PIBF1: variants seen among roughly 807,000 people sequenced by gnomAD.
PIBF1 encodes the protein progesterone-induced-blocking factor 1.
Under a neutral mutation model 112.5 loss-of-function variants are expected in PIBF1, and 90 were observed. The ratio of observed to expected loss-of-function variants is 0.80; its 90% CI spans 0.67 to 0.95. The LOEUF (loss-of-function observed/expected upper bound fraction) is 0.95. Ranked by LOEUF, PIBF1 falls within the 40% of genes least tolerant of loss-of-function variation. The pLI, the probability that PIBF1 is intolerant of heterozygous loss-of-function variation, is 0.00. For missense variants in PIBF1, 915 were observed against 852.3 expected (o/e 1.07, Z -0.92); for synonymous variants, 301 against 288.6 (o/e 1.04, Z -0.44).
In PIBF1 at chr13:72,821,895, G is replaced by T. The variant is rs1321440733; in HGVS notation, c.719G>T (p.Cys240Phe). 2 of 1,612,772 alleles carry T rather than the reference G, an allele frequency of 1.2e-6. No homozygotes were observed. The highest frequency in any genetic ancestry group is 1.1e-5 in the South Asian group (1 of 90,994). Reference protein sequence around the residue: ...RKNYSEVQIRCQRLALELADT... With the variant: ...RKNYSEVQIRFQRLALELADT... ...AACTACTCTGAAGTTCAAATTAGAT[G>T]TCAACGTTTGGCCTTAGAATTAGCA... Residue 240 changes from cysteine (C) to phenylalanine (F), a missense_variant, in exon 6 of 18, where the codon TGT (cysteine) becomes TTT (phenylalanine). Cys to Phe is a radical substitution (Grantham distance 205, BLOSUM62 -2). Transcript: ENST00000326291.
intron 16 of PIBF1, among the ~76,000 whole-genome samples, chr13:72,979,050 C>T (rs1376899166): frequency 6.6e-6 from 1 of 152,086 alleles, no homozygotes; most frequent in African/African-American, 2.4e-5. Flanking sequence ...CAAAATTTAG[C>T]TGGGCATGGT....
chr13:72,995,031 G>A (rs1216233944), intron 16 of PIBF1, among the ~76,000 whole-genome samples: 1 of 152,140 alleles, frequency 6.6e-6, no homozygotes, highest in Non-Finnish European at 1.5e-5. Context: ...GACAGGTGCG[G>A]TGGCTCACAC....
chr13:72,831,479 G>A (rs1325229343), intron 8 of PIBF1, among the ~76,000 whole-genome samples: 2 of 151,950 alleles, frequency 1.3e-5, no homozygotes, highest in Non-Finnish European at 2.9e-5. Context: ...CATTCTCATT[G>A]GTTTCAAAGA....
intron 5 of PIBF1, among the ~76,000 whole-genome samples, chr13:72,799,645 C>T (rs1391859267): frequency 6.6e-6 from 1 of 152,166 alleles, no homozygotes. Context: ...AATTTTGCAG[C>T]CTTGGGCAAA....
At chr13:72,902,388 T>C (rs1024257130) in intron 11 of PIBF1, among the ~76,000 whole-genome samples, 18 of 141,460 alleles carry the variant, frequency 1.3e-4, no homozygotes, top group African/African-American at 4.6e-4. Flanking sequence ...TACGGAAAAA[T>C]AATTAATAAA....
At chr13:72,873,158 A>C (rs1159908199) in intron 10 of PIBF1, among the ~76,000 whole-genome samples, 1 of 152,172 alleles carries the variant, frequency 6.6e-6, no homozygotes, top group Non-Finnish European at 1.5e-5. Flanking sequence ...AGGGAGATGA[A>C]GGTGCCTAGA....
chr13:72,783,560 A>G lies in PIBF1; in HGVS notation c.91A>G (p.Thr31Ala), dbSNP rs1457329998. The G allele has an allele frequency of 6.2e-7, 1 of 1,613,920 alleles. No homozygotes were observed. The highest frequency in any genetic ancestry group is 1.7e-5 in the Admixed American group (1 of 60,034). Reference sequence around the variant, plus strand: ...TATTAGTTTAGAAACAACAGTTCCTACGGATGATATTTCCTCATCAGAAGA... The same window carrying G: ...TATTAGTTTAGAAACAACAGTTCCTGCGGATGATATTTCCTCATCAGAAGA... ...EDISLETTVP[T>A]DDISSSEERE... is the part of the protein sequence containing the mutation. The change falls in exon 2 of 18, where the codon ACG (threonine) becomes GCG (alanine). Residue 31 changes from threonine to alanine, a missense_variant. Transcript: ENST00000326291.
intron 9 of PIBF1, among the ~76,000 whole-genome samples, chr13:72,841,696 G>A (rs2138242459): frequency 6.6e-6 from 1 of 152,166 alleles, no homozygotes; most frequent in African/African-American, 2.4e-5. Context: ...CCTGAGCCTG[G>A]GAGGTCAAGG....
At chr13:72,790,535 ATAGATAGATAGATAG>A (rs2138376402) in intron 2 of PIBF1, among the ~76,000 whole-genome samples, 1 of 150,236 alleles carries the variant, frequency 6.7e-6, no homozygotes, top group Non-Finnish European at 1.5e-5. Context: ...AGATAGATAG[ATAGATAGATAGATAG>A]ATAGATAGAT....
At chr13:72,913,601 G>T (rs1195871721) in intron 12 of PIBF1, among the ~76,000 whole-genome samples, 3 of 152,018 alleles carry the variant, frequency 2.0e-5, no homozygotes, top group African/African-American at 4.8e-5. Flanking sequence ...AACCTGGCAA[G>T]ACCATCTCTA....
chr13:72,942,828 C>G (rs1163911469), intron 14 of PIBF1, among the ~76,000 whole-genome samples: 2 of 152,032 alleles, frequency 1.3e-5, no homozygotes, highest in East Asian at 3.8e-4. Flanking sequence ...TGATGAAACC[C>G]TGTCTCTACT....
At chr13:72,990,837 G>A (rs961508283) in intron 16 of PIBF1, among the ~76,000 whole-genome samples, 9 of 152,184 alleles carry the variant, frequency 5.9e-5, no homozygotes, top group African/African-American at 2.2e-4. Flanking sequence ...GACAGAGCGA[G>A]ACTCCATCTC....
chr13:72,790,502 CACACACACATAGATAG>C (rs2034856157), intron 2 of PIBF1, among the ~76,000 whole-genome samples: 126 of 141,004 alleles, frequency 8.9e-4, no homozygotes, highest in Middle Eastern at 3.6e-3. Context: ...AGATAGATCA[CACACACACATAGATAG>C]ATAGATAGAT....
chr13:73,004,741 G>A (rs2043979216), intron 17 of PIBF1, among the ~76,000 whole-genome samples: 2 of 152,196 alleles, frequency 1.3e-5, no homozygotes, highest in Non-Finnish European at 2.9e-5. Context: ...AGAAAGTAGA[G>A]TGGTGGTTGT....
chr13:72,862,631 CAAT>C (rs2038743906), intron 10 of PIBF1, among the ~76,000 whole-genome samples: 1 of 151,994 alleles, frequency 6.6e-6, no homozygotes, highest in Non-Finnish European at 1.5e-5. Context: ...ATACAAATAA[CAAT>C]AATTTTTAGA....
chr13:72,944,626 TA>T (rs537696292), intron 14 of PIBF1, among the ~76,000 whole-genome samples: 111 of 152,304 alleles, frequency 7.3e-4, no homozygotes, highest in African/African-American at 1.9e-3. Context: ...ATTTTTGTTT[TA>T]TTTTTTTTAA....
intron 14 of PIBF1, among the ~76,000 whole-genome samples, chr13:72,943,852 G>A (rs554070375): frequency 6.6e-6 from 1 of 152,286 alleles, no homozygotes; most frequent in East Asian, 1.9e-4. Flanking sequence ...TATGACTTTA[G>A]GCAAGTTATC....
At chr13:72,972,048 A>T (rs201199638) in intron 15 of PIBF1, among the ~76,000 whole-genome samples, 10 of 116,940 alleles carry the variant, frequency 8.6e-5, no homozygotes, top group African/African-American at 2.8e-4. Context: ...TTATTTATTT[A>T]TTTTTTGAGA....
chr13:72,947,734 G>A (rs939346749), intron 14 of PIBF1, among the ~76,000 whole-genome samples: 1 of 152,152 alleles, frequency 6.6e-6, no homozygotes, highest in African/African-American at 2.4e-5. Flanking sequence ...TCCCATCATT[G>A]GGTATATACC....
Sources: allele counts gnomAD v4.1 joint callset (sites outside exome capture counted in the v4.1 genomes callset), GRCh38; gene constraint gnomAD v4.1.1; transcripts MANE v1.5; gene names NCBI Gene and HGNC (gene_info 2026-07-23, HGNC 2026-07-21).